SNPH: variants seen among roughly 807,000 people sequenced by gnomAD.
The protein encoded by SNPH is syntaphilin.
SNPH carries 10 observed loss-of-function variants against 36.8 expected under a neutral mutation model. The ratio of observed to expected loss-of-function variants is 0.27; its 90% CI spans 0.17 to 0.46. The LOEUF is 0.46. Among genes scored for constraint, SNPH ranks in the 20% least tolerant of loss-of-function variants. The pLI is 1.00. For synonymous variants in SNPH, 281 were observed against 312.2 expected (o/e 0.90, Z 1.05); for missense variants, 622 against 744.0 (o/e 0.84, Z 1.91).
chr20:1,280,495 A>G (rs2088203872), intron 2 of SNPH, among the ~76,000 whole-genome samples: 1 of 152,214 alleles, frequency 6.6e-6, no homozygotes, highest in Non-Finnish European at 1.5e-5. Context: ...GGTGTGTGGG[A>G]AATGAGGCTG....
intron 2 of SNPH, among the ~76,000 whole-genome samples, chr20:1,274,755 C>T (rs765807765): frequency 1.4e-4 from 22 of 152,090 alleles, no homozygotes; most frequent in Non-Finnish European, 2.9e-4. Context: ...GGTCTGGTGC[C>T]CTTCAGCAAA....
Position 1,279,617 on chromosome 20 carries a change from TC to T in SNPH, c.-493+12858del, listed in dbSNP as rs139433977. Among the ~76,000 whole-genome samples, 17 of 148,074 alleles carry T rather than the reference TC, an allele frequency of 1.1e-4. 1 individual carries two copies. Among genetic ancestry groups the T allele is most frequent in the African/African-American group, 3.7e-4 (15 of 40,100 alleles). ...ACTGGTTTCCTGAGAGACTCCGGCT[TC>T]TTTTTTTTTTTTTTTTTTTGAGACA... On this transcript the variant is annotated intron_variant, in intron 2 of 6. Coordinates refer to ENST00000381867, the MANE Select transcript of SNPH (RefSeq NM_001318234.2).
rs2088008572 is a variant in SNPH at position 1,266,669 on chromosome 20, CAGGCGGCTGCAGCAGCGACTGCAG to C, written c.-578_-555del. ...AACCCCGCAGGTCGCTGATCAGGGC[CAGGCGGCTGCAGCAGCGACTGCAG>C]AGGCGCTGCGCCAAGCCGGGCCGGA... On this transcript the variant is annotated 5_prime_UTR_variant, in exon 2 of 7. Coordinates refer to ENST00000381867, the MANE Select transcript of SNPH (RefSeq NM_001318234.2). The surrounding 1 kb of genome is among the most constrained non-coding windows in gnomAD (Gnocchi z 6.0). 6.7e-7 allele frequency: 1 copy of C among 1,485,198 alleles called. No individual in the cohort carries two copies. Among genetic ancestry groups the C allele is most frequent in the Non-Finnish European group, 8.9e-7 (1 of 1,120,418 alleles). 92.0% of individuals were successfully genotyped at this position (1,485,198 alleles called of 1,614,324 possible).
intron 2 of SNPH, among the ~76,000 whole-genome samples, chr20:1,284,162 A>G (rs1044942476): frequency 1.5e-4 from 23 of 152,104 alleles, no homozygotes; most frequent in African/African-American, 5.1e-4. Flanking sequence ...GATGAATAAA[A>G]CTCTTCCAGC....
rs1329031187 is a variant in SNPH at position 1,295,898 on chromosome 20, G to C, written c.-342G>C. On this transcript the variant is annotated 5_prime_UTR_variant, in exon 4 of 7. Coordinates refer to ENST00000381867, the MANE Select transcript of SNPH (RefSeq NM_001318234.2). ...CAGCCTGCAGCCCCTACCAGAGAGG[G>C]AGGACTGAACAGCAAGGGGGTGTGT... is the stretch of plus-strand genomic sequence containing the variant. The C allele has an allele frequency of 2.4e-5, 6 of 248,824 alleles. No individual in the cohort carries two copies. Among genetic ancestry groups the C allele is most frequent in the Non-Finnish European group, 3.8e-5 (5 of 131,514 alleles). 15.4% of individuals were successfully genotyped at this position (248,824 alleles called of 1,614,324 possible). A position where few individuals can be genotyped will look rare whatever the true frequency, so the allele number is the denominator to read the frequency against.
intron 2 of SNPH, among the ~76,000 whole-genome samples, chr20:1,273,115 C>T (rs1045920214): frequency 6.6e-6 from 1 of 152,198 alleles, no homozygotes; most frequent in African/African-American, 2.4e-5. Flanking sequence ...TGCAGCAGAG[C>T]TTCTGCCACC....
At chr20:1,303,322 G>A (rs1351487784) in intron 6 of SNPH, among the ~76,000 whole-genome samples, 5 of 152,256 alleles carry the variant, frequency 3.3e-5, no homozygotes, top group African/African-American at 7.2e-5. Context: ...CCACTGAGGC[G>A]TGGACAGGGC....
Position 1,305,934 on chromosome 20 carries a change from C to T in SNPH, c.1497C>T (p.Tyr499=). The part of the protein sequence containing the change: ...RSQRRQGQPI[Y]NISSLLRGCC... ...AGCGGCGCCAGGGCCAGCCCATCTA[C>T]AACATCAGCTCCCTGCTGCGGGGCT... Residue 499 remains tyrosine (Y), a synonymous_variant, in exon 7 of 7, where the codon TAC becomes TAT. Transcript: ENST00000381867. The T allele has an allele frequency of 1.9e-6, 3 of 1,591,084 alleles. No homozygotes were observed. Among genetic ancestry groups the T allele is most frequent in the Non-Finnish European group, 8.6e-7 (1 of 1,169,278 alleles).
At position 1,305,838 on chromosome 20, in the gene SNPH, C is replaced by T; in HGVS notation, c.1401C>T (p.Arg467=). The T allele has an allele frequency of 1.3e-6, 2 of 1,593,074 alleles. No individual in the cohort carries two copies. The highest frequency in any genetic ancestry group is 1.1e-5 in the South Asian group (1 of 88,200). The stretch of plus-strand genomic sequence containing the variant: ...AGGAGCCCAAGAGCTACTGGAGCCG[C>T]CACTACATCGTGGATCTGCTGGCTG... The part of the protein sequence containing the change: ...AEKEPKSYWS[R]HYIVDLLAVV... Residue 467 remains arginine, a synonymous_variant, in exon 7 of 7, where the codon CGC becomes CGT. Coordinates refer to ENST00000381867, the MANE Select transcript of SNPH (RefSeq NM_001318234.2).
chr20:1,296,477 G>A lies in SNPH; in HGVS notation c.182+56G>A, dbSNP rs936729137. 25 of 1,475,676 alleles carry A rather than the reference G, an allele frequency of 1.7e-5. No individual in the cohort carries two copies. The Admixed American group carries it at 3.4e-4, about 20-fold the overall frequency. 91.4% of individuals were successfully genotyped at this position (1,475,676 alleles called of 1,614,324 possible). ...TTCGGAGGGCGGGAGGAGGGCGCAC[G>A]GGCCTCTCTCTACCTGCCACCAACT... On this transcript the variant is annotated intron_variant, in intron 4 of 6. Transcript: ENST00000381867.
chr20:1,280,668 G>A (rs530264457), intron 2 of SNPH, among the ~76,000 whole-genome samples: 6 of 152,270 alleles, frequency 3.9e-5, no homozygotes, highest in Non-Finnish European at 5.9e-5. Context: ...AAGTACCGTG[G>A]TCTCCATACT....
chr20:1,267,004 G>T (rs1041899189), intron 2 of SNPH, among the ~76,000 whole-genome samples: 1 of 152,178 alleles, frequency 6.6e-6, no homozygotes, highest in African/African-American at 2.4e-5. Context: ...CCCAAAGTGG[G>T]TGATTAGGAG....
rs2088588409 is a variant in SNPH at position 1,307,072 on chromosome 20, T to C, written c.*1018T>C. The C allele has an allele frequency of 6.5e-6, 1 of 152,692 alleles. No individual in the cohort carries two copies. Among genetic ancestry groups the C allele is most frequent in the Admixed American group, 6.5e-5 (1 of 15,288 alleles). The allele number at this position is 152,692 out of a possible 1,614,324, so 9.5% of individuals were successfully genotyped here. A position where few individuals can be genotyped will look rare whatever the true frequency, so the allele number is the denominator to read the frequency against. On this transcript the variant is annotated 3_prime_UTR_variant, in exon 7 of 7. Transcript: ENST00000381867. ...CTCTGGGGCCCTCGGGCCCAACTTC[T>C]GCTTTGCACTATGTTCACTTTGGGG...
intron 4 of SNPH, 163 bp from the exon 5 acceptor site, chr20:1,296,982 G>A: frequency 1.1e-6 from 1 of 888,318 alleles, no homozygotes; most frequent in Non-Finnish European, 1.3e-6. Flanking sequence ...TGCACTGTCT[G>A]TTCTGTCACC....
chr20:1,289,719 C>G (rs1439890626), intron 2 of SNPH, among the ~76,000 whole-genome samples: 11 of 151,262 alleles, frequency 7.3e-5, no homozygotes, highest in Non-Finnish European at 4.4e-5. Flanking sequence ...GAGGTGGCTA[C>G]TGGAAAGGCT....
At chr20:1,272,716 G>T (rs183661398) in intron 2 of SNPH, among the ~76,000 whole-genome samples, 23 of 152,370 alleles carry the variant, frequency 1.5e-4, no homozygotes, top group Non-Finnish European at 2.8e-4. Flanking sequence ...AGGAAGGAAG[G>T]CTGGAAAGGC....
rs892681252 is a variant in SNPH, at chr20:1,300,826, C to T, written c.440+115C>T. ...GAGTGGCTGGGGGTCTCCCAGCATC[C>T]GTCTGCTCTCTCCTTCCCAGCAAAG... On this transcript the variant is annotated intron_variant, in intron 6 of 6. Transcript: ENST00000381867. The T allele has an allele frequency of 9.2e-5, 95 of 1,034,370 alleles. 1 individual carries two copies. In the Admixed American group the frequency reaches 1.4e-3, roughly 16 times the overall value. 64.1% of individuals were successfully genotyped at this position (1,034,370 alleles called of 1,614,324 possible).
Position 1,300,713 on chromosome 20 carries a change from T to C in SNPH, c.440+2T>C. The C allele has an allele frequency of 6.2e-7, 1 of 1,609,576 alleles. No individual in the cohort carries two copies. The highest frequency in any genetic ancestry group is 8.5e-7 in the Non-Finnish European group (1 of 1,178,996). ...CACACAGGACCGGCTCCAGGACCGG[T>C]GAGCGGGTGGCCACGAGCAGCCCTG... is the stretch of plus-strand genomic sequence containing the variant. On this transcript the variant is annotated splice_donor_variant, in intron 6 of 6. Transcript: ENST00000381867. LOFTEE classifies it high-confidence loss of function.
intron 4 of SNPH, among the ~76,000 whole-genome samples, chr20:1,296,858 G>A (rs1470254723): frequency 6.6e-6 from 1 of 152,238 alleles, no homozygotes; most frequent in Non-Finnish European, 1.5e-5. Flanking sequence ...CAGAAGTTGA[G>A]GACCTTGATA....
Sources: allele counts gnomAD v4.1 joint callset (sites outside exome capture counted in the v4.1 genomes callset), GRCh38; gene constraint gnomAD v4.1.1; non-coding constraint Gnocchi (gnomAD v3.1); transcripts MANE v1.5; gene names NCBI Gene and HGNC (gene_info 2026-07-23, HGNC 2026-07-21).